Variants in UBR1 observed in about 807,000 individuals in gnomAD.
UBR1 encodes E3 ubiquitin-protein ligase UBR1.
A neutral mutation model predicts 242.1 loss-of-function variants in UBR1; 102 were observed. That is an observed-to-expected ratio of 0.42 (90% CI 0.36 to 0.50). The LOEUF (loss-of-function observed/expected upper bound fraction) is 0.50, where lower values mean the gene tolerates loss of function less well. Ranked by LOEUF, UBR1 falls within the 20% of genes least tolerant of loss-of-function variation. The probability of loss-of-function intolerance (pLI) is 0.01; values close to 1 mark genes in which losing one functional copy is unlikely to be tolerated. For synonymous variants in UBR1, 675 were observed against 684.8 expected, an observed-to-expected ratio of 0.99 and a Z score of 0.22; for missense variants, 1,772 against 2,101.8, an observed-to-expected ratio of 0.84 and a Z score of 3.07.
chr15:42,971,710 G>C (rs940848702), intron 39 of UBR1, among the ~76,000 whole-genome samples: 2 of 152,036 alleles, frequency 1.3e-5, no homozygotes, highest in Admixed American at 1.3e-4. Flanking sequence ...CAATTCAAAT[G>C]TAAGAGAGTT....
chr15:43,011,664 G>A (rs919770962), intron 29 of UBR1, among the ~76,000 whole-genome samples: 2 of 152,094 alleles, frequency 1.3e-5, no homozygotes, highest in African/African-American at 4.8e-5. Flanking sequence ...AATTAGGCAC[G>A]TATATACACT....
At chr15:43,006,785 G>A (rs1364024316) in intron 30 of UBR1, among the ~76,000 whole-genome samples, 2 of 152,114 alleles carry the variant, frequency 1.3e-5, no homozygotes, top group African/African-American at 2.4e-5. Flanking sequence ...ATAAAAAAAG[G>A]AGGGACTAAT....
At chr15:42,983,815 A>T in intron 37 of UBR1, 82 bp downstream of exon 37, 1 of 888,200 alleles carries the variant, frequency 1.1e-6, no homozygotes, top group Non-Finnish European at 1.6e-6. Context: ...GTTGTTTCCT[A>T]ATGAAATACA....
intron 43 of UBR1, 138 bp downstream of exon 43, chr15:42,960,507 C>G: frequency 1.1e-6 from 1 of 874,612 alleles, no homozygotes; most frequent in Non-Finnish European, 1.8e-6. Flanking sequence ...TGATTTCTGG[C>G]AAAGACCTAA....
intron 29 of UBR1, among the ~76,000 whole-genome samples, chr15:43,015,005 C>A (rs906996018): frequency 6.6e-6 from 1 of 150,966 alleles, no homozygotes; most frequent in South Asian, 2.1e-4. Flanking sequence ...CCAGACGCCC[C>A]GACTGGGAGG....
At chr15:43,008,376 G>A (rs1343656136) in intron 29 of UBR1, among the ~76,000 whole-genome samples, 3 of 152,254 alleles carry the variant, frequency 2.0e-5, no homozygotes, top group Non-Finnish European at 4.4e-5. Flanking sequence ...GCGCTGCCGC[G>A]GCCCCGGCCA....
At chr15:42,947,100 G>A (rs1339240187) in intron 46 of UBR1, among the ~76,000 whole-genome samples, 1 of 152,092 alleles carries the variant, frequency 6.6e-6, no homozygotes, top group Non-Finnish European at 1.5e-5. Flanking sequence ...GCAGTGAGCC[G>A]AGATCCAGCC....
chr15:43,007,406 T>C, intron 29 of UBR1, 122 bp from the exon 30 acceptor site: 1 of 907,134 alleles, frequency 1.1e-6, no homozygotes, highest in Non-Finnish European at 1.7e-6. Context: ...AAAAATGATA[T>C]TTAGCAATAT....
chr15:42,955,166 AAAAAC>A (rs572477498), intron 44 of UBR1, among the ~76,000 whole-genome samples: 106 of 152,264 alleles, frequency 7.0e-4, no homozygotes, highest in Non-Finnish European at 1.0e-3. Context: ...ACTCTGTCTC[AAAAAC>A]AAAACAAAAC....
intron 32 of UBR1, among the ~76,000 whole-genome samples, chr15:43,000,533 A>G (rs2032707694): frequency 6.6e-6 from 1 of 152,210 alleles, no homozygotes. Context: ...CTTCTGCTGT[A>G]TAGTTAGGTA....
At chr15:42,946,410 A>G (rs1461498371) in intron 46 of UBR1, among the ~76,000 whole-genome samples, 3 of 151,888 alleles carry the variant, frequency 2.0e-5, no homozygotes, top group Admixed American at 6.6e-5. Flanking sequence ...ACAGGCGTGA[A>G]CCACCGCGGC....
In UBR1 at chr15:43,105,952, C is replaced by G. The variant is rs768101403; in HGVS notation, c.71G>C (p.Arg24Pro). ...ISAELPQTPQRLASWWDQQVD... is the reference protein window; with the variant it reads ...ISAELPQTPQPLASWWDQQVD... ...CCTATAGGGACTTACAGATGCCAGA[C>G]GCTGAGGGGTCTGGGGTAACTCCGC... Residue 24 changes from arginine to proline, a missense_variant, in exon 1 of 47, where the codon CGT (arginine) becomes CCT (proline). Physicochemically the swap from Arg to Pro is moderately radical, Grantham distance 103 (BLOSUM62 -2). Transcript: ENST00000290650. The G allele has an allele frequency of 2.5e-6, 4 of 1,613,974 alleles. No individual in the cohort carries two copies. The highest frequency in any genetic ancestry group is 1.1e-5 in the South Asian group (1 of 91,076).
chr15:42,948,480 C>G (rs1451754860), intron 46 of UBR1, among the ~76,000 whole-genome samples: 3 of 152,132 alleles, frequency 2.0e-5, no homozygotes, highest in Non-Finnish European at 4.4e-5. Context: ...AAACTACCAT[C>G]AGAGTGAACA....
intron 33 of UBR1, among the ~76,000 whole-genome samples, chr15:42,993,367 T>TTTA (rs2032585478): frequency 6.9e-6 from 1 of 145,626 alleles, no homozygotes; most frequent in South Asian, 2.1e-4. Flanking sequence ...TGAAATGTCT[T>TTTA]TTTTTTTTTT....
Position 42,945,480 on chromosome 15 carries a change from A to G in UBR1, c.5109-10T>C. 2 of 1,614,016 alleles carry G rather than the reference A, an allele frequency of 1.2e-6. No individual in the cohort carries two copies. The highest frequency in any genetic ancestry group is 1.7e-6 in the Non-Finnish European group (2 of 1,179,968). On this transcript the variant is annotated splice_polypyrimidine_tract_variant and intron_variant, in intron 46 of 46. Transcript: ENST00000290650. ...AAGGGGGTTGCCCCTCCTTTAGGGA[A>G]AAAAGAAAAAACAACATGTAAGTTT...
intron 1 of UBR1, among the ~76,000 whole-genome samples, chr15:43,103,170 A>T (rs1378475211): frequency 6.6e-6 from 1 of 152,204 alleles, no homozygotes; most frequent in Non-Finnish European, 1.5e-5. Flanking sequence ...TCTGTCTTAA[A>T]TAAATTAAAT....
chr15:43,076,023 G>A (rs571913218), intron 3 of UBR1, among the ~76,000 whole-genome samples: 4 of 151,834 alleles, frequency 2.6e-5, no homozygotes, highest in African/African-American at 9.7e-5. Flanking sequence ...CTCTGATGCC[G>A]AGCCAAAGCT....
Position 43,015,807 on chromosome 15 carries a change from G to A in UBR1, c.3090C>T (p.Arg1030=). The part of the protein sequence containing the change: ...KRKAEAARLH[R]QKIMAQMSAL... ...CAGACATCTGAGCCATGATCTTCTG[G>A]CGATGTAGCCTAGCAGCTTCAGCTT... The change falls in exon 29 of 47, where the codon CGC becomes CGT. Residue 1030 remains arginine, a synonymous_variant. Coordinates refer to ENST00000290650, the MANE Select transcript of UBR1 (RefSeq NM_174916.3). 1.2e-6 allele frequency: 2 copies of A among 1,614,124 alleles called. No homozygotes were observed. The highest frequency in any genetic ancestry group is 1.3e-5 in the African/African-American group (1 of 75,038).
At chr15:42,952,693 G>T (rs1388953475) in intron 44 of UBR1, among the ~76,000 whole-genome samples, 1 of 152,120 alleles carries the variant, frequency 6.6e-6, no homozygotes, top group South Asian at 2.1e-4. Context: ...ATGGTGTCCT[G>T]ATAATTCTCA....
Sources: allele counts gnomAD v4.1 joint callset (sites outside exome capture counted in the v4.1 genomes callset), GRCh38; gene constraint gnomAD v4.1.1; transcripts MANE v1.5; gene names NCBI Gene and HGNC (gene_info 2026-07-23, HGNC 2026-07-21).